Variants in LRP1B observed in about 807,000 individuals in gnomAD.
The protein encoded by LRP1B is low-density lipoprotein receptor-related protein 1B.
Under a neutral mutation model 556.6 loss-of-function variants are expected in LRP1B, and 217 were observed. That is an observed-to-expected ratio of 0.39 (90% confidence interval 0.35 to 0.44). The LOEUF is 0.44. Ranked by LOEUF, LRP1B falls within the 20% of genes least tolerant of loss-of-function variation. The pLI is 1.00. For missense variants in LRP1B, 5,053 were observed against 5,620.8 expected (o/e 0.90, Z 3.23); for synonymous variants, 2,047 against 1,865.8 (o/e 1.10, Z -2.50).
intron 2 of LRP1B, among the ~76,000 whole-genome samples, chr2:141,517,259 T>TACACACACACACACACACACACACATAC (rs71281835): frequency 0.31 from 44,075 of 140,836 alleles, 8,370 homozygotes; most frequent in Non-Finnish European, 0.41. Flanking sequence ...AGGACAAGAA[T>TACACACACACACACACACACACACATAC]ACGCACACAC....
chr2:142,019,544 A>G (rs1314854126), intron 1 of LRP1B, among the ~76,000 whole-genome samples: 1 of 152,138 alleles, frequency 6.6e-6, no homozygotes, highest in Admixed American at 6.5e-5. Flanking sequence ...AGAGTCCACC[A>G]CACTCTATTG....
rs1411722367 is a variant in LRP1B, at chr2:141,913,001, C to T, written c.83-102600G>A. 1.6e-4 allele frequency among the ~76,000 whole-genome samples: 24 copies of T among 152,066 alleles called. 1 individual carries two copies. Among genetic ancestry groups the T allele is most frequent in the Admixed American group, 1.6e-3 (24 of 15,250 alleles). On this transcript the variant is annotated intron_variant, in intron 1 of 90. Coordinates refer to ENST00000389484, the MANE Select transcript of LRP1B (RefSeq NM_018557.3). The stretch of plus-strand genomic sequence containing the variant: ...TTAAATAAATTTGTATGTTTTTCTC[C>T]TCTTGATCTATCTTAATGTCAATTT...
chr2:140,578,130 C>T (rs1431661146), intron 43 of LRP1B, among the ~76,000 whole-genome samples: 1 of 152,042 alleles, frequency 6.6e-6, no homozygotes, highest in East Asian at 1.9e-4. Flanking sequence ...TAATTTTGAT[C>T]AAGAAAAAAC....
rs1182571591 is a variant in LRP1B, at chr2:141,229,213, A to G, written c.820T>C (p.Trp274Arg). 3 of 1,613,092 alleles carry G rather than the reference A, an allele frequency of 1.9e-6. No homozygotes were observed. Among genetic ancestry groups the G allele is most frequent in the East Asian group, 4.5e-5 (2 of 44,768 alleles). ...ITKAGGLTDE[W>R]TINILQSFHN... ...AAGGATTGAAGAATATTGATTGTCCATTCATCTGTTAATCCTCCTGCTTTT... is the reference window on the plus strand; with the variant it reads ...AAGGATTGAAGAATATTGATTGTCCGTTCATCTGTTAATCCTCCTGCTTTT... The change falls in exon 6 of 91, where the codon TGG (tryptophan) becomes CGG (arginine). Residue 274 changes from tryptophan to arginine, a missense_variant. This residue lies in a region of LRP1B where 3,619 missense variants were observed against 3,931.9 expected (regional missense o/e 0.92). Transcript: ENST00000389484.
At chr2:140,628,615 A>G (rs1376201521) in intron 41 of LRP1B, among the ~76,000 whole-genome samples, 2 of 151,948 alleles carry the variant, frequency 1.3e-5, no homozygotes, top group East Asian at 3.9e-4. Context: ...AAAAAAATTA[A>G]TGATATCTGG....
chr2:141,022,949 AC>A (rs1698107053), intron 11 of LRP1B, among the ~76,000 whole-genome samples: 1 of 151,892 alleles, frequency 6.6e-6, no homozygotes. Context: ...CTTAGCTTTC[AC>A]AAAATACCCA....
intron 1 of LRP1B, among the ~76,000 whole-genome samples, chr2:141,875,550 G>T (rs1480456363): frequency 6.6e-6 from 1 of 151,744 alleles, no homozygotes; most frequent in African/African-American, 2.4e-5. Flanking sequence ...GATTCCTTTA[G>T]GTCTTAAGCA....
At chr2:140,652,392 C>A (rs1188261303) in intron 41 of LRP1B, among the ~76,000 whole-genome samples, 1 of 151,312 alleles carries the variant, frequency 6.6e-6, no homozygotes, top group Non-Finnish European at 1.5e-5. Context: ...TTGACTCTAC[C>A]TAACTAATGA....
chr2:140,921,334 G>T (rs1032039658), intron 21 of LRP1B, among the ~76,000 whole-genome samples: 6 of 151,736 alleles, frequency 4.0e-5, no homozygotes, highest in Non-Finnish European at 8.8e-5. Context: ...ACCAAGCTTT[G>T]CCAGTTTCTT....
chr2:140,481,055 G>A (rs1688218741), intron 59 of LRP1B, among the ~76,000 whole-genome samples: 1 of 151,960 alleles, frequency 6.6e-6, no homozygotes, highest in Admixed American at 6.6e-5. Flanking sequence ...TTAGTAGAGA[G>A]GGGGTTTCAC....
intron 41 of LRP1B, among the ~76,000 whole-genome samples, chr2:140,640,383 CTTTTTTTTTTTTTTTT>C (rs70988414): frequency 4.1e-5 from 2 of 48,464 alleles, no homozygotes; most frequent in South Asian, 1.1e-3. Context: ...GTCCTGTTTT[CTTTTTTTTTTTTTTTT>C]TTTTTTTTTT....
intron 41 of LRP1B, among the ~76,000 whole-genome samples, chr2:140,643,757 CG>C (rs1684383744): frequency 6.6e-6 from 1 of 152,076 alleles, no homozygotes; most frequent in African/African-American, 2.4e-5. Flanking sequence ...CTTGAATGTA[CG>C]TAATCACTAT....
intron 6 of LRP1B, chr2:141,208,381 C>G (rs763490549): frequency 3.3e-5 from 5 of 152,266 alleles, no homozygotes; most frequent in Non-Finnish European, 7.3e-5. Flanking sequence ...GCAGTGCCAA[C>G]GACTATCGCC....
intron 23 of LRP1B, among the ~76,000 whole-genome samples, chr2:140,895,444 G>A (rs77387317): frequency 0.035 from 5,364 of 152,234 alleles, 123 homozygotes; most frequent in Middle Eastern, 0.055. Flanking sequence ...TCAACCCCTC[G>A]TGGGAAGGGG....
chr2:140,921,889 T>A (rs978981059), intron 21 of LRP1B, among the ~76,000 whole-genome samples: 1 of 148,904 alleles, frequency 6.7e-6, no homozygotes, highest in Non-Finnish European at 1.5e-5. Flanking sequence ...CCCCGTGGCT[T>A]TCACAGTGTT....
intron 35 of LRP1B, among the ~76,000 whole-genome samples, chr2:140,719,525 C>A (rs1280384154): frequency 6.6e-6 from 1 of 152,038 alleles, no homozygotes; most frequent in African/African-American, 2.4e-5. Flanking sequence ...TACACCATGA[C>A]ATCTTGAACA....
intron 66 of LRP1B, among the ~76,000 whole-genome samples, chr2:140,396,014 A>C (rs1684236523): frequency 6.6e-6 from 1 of 152,128 alleles, no homozygotes; most frequent in African/African-American, 2.4e-5. Flanking sequence ...CTGCTATTCC[A>C]TTCATCGTTC....
At chr2:141,119,716 T>TTGTG (rs138710668) in intron 7 of LRP1B, among the ~76,000 whole-genome samples, 8,977 of 149,468 alleles carry the variant, frequency 0.06, 479 homozygotes, top group African/African-American at 0.15. Context: ...ACCCAAGAGG[T>TTGTG]TGTGTGTGTG....
At position 140,803,260 on chromosome 2, in the gene LRP1B, G is replaced by GTTTTTTTTT. The variant is rs11352164; in HGVS notation, c.5359+10388_5359+10396dup. Among the ~76,000 whole-genome samples, 9 of 102,238 alleles carry GTTTTTTTTT rather than the reference G, an allele frequency of 8.8e-5. 1 individual carries two copies. Among genetic ancestry groups the GTTTTTTTTT allele is most frequent in the African/African-American group, 2.6e-4 (5 of 19,602 alleles). 67.1% of individuals were successfully genotyped at this position (102,238 alleles called of 152,430 possible). ...GTGGTCAGTATTAGTCCTATTGAAA[G>GTTTTTTTTT]TTTTTTTTTTTTTTTTTTTTTTTTT... On this transcript the variant is annotated intron_variant, in intron 32 of 90. Transcript: ENST00000389484.
Sources: allele counts gnomAD v4.1 joint callset (sites outside exome capture counted in the v4.1 genomes callset), GRCh38; gene constraint gnomAD v4.1.1; regional missense constraint gnomAD v4.1.1; transcripts MANE v1.5; gene names NCBI Gene and HGNC (gene_info 2026-07-23, HGNC 2026-07-21).